The following PCDH9 variants were observed in gnomAD, a reference collection of about 807,000 sequenced individuals.
PCDH9 encodes the protein protocadherin-9.
Under a neutral mutation model 70.6 loss-of-function variants are expected in PCDH9, and 24 were observed. That is an observed-to-expected ratio of 0.34 (90% CI 0.25 to 0.48). The LOEUF (loss-of-function observed/expected upper bound fraction) is 0.48, where lower values mean the gene tolerates loss of function less well. Ranked by LOEUF, PCDH9 falls within the 20% of genes least tolerant of loss-of-function variation. The pLI is 0.99. For missense variants in PCDH9, 1,281 were observed against 1,503.6 expected (o/e 0.85, Z 2.45); for synonymous variants, 562 against 558.5 (o/e 1.01, Z -0.09).
At chr13:66,952,678 A>T (rs761604625) in intron 2 of PCDH9, among the ~76,000 whole-genome samples, 6 of 152,216 alleles carry the variant, frequency 3.9e-5, no homozygotes, top group Non-Finnish European at 7.4e-5. Flanking sequence ...AACTCTCTCA[A>T]TGGCAGAACC....
rs745735177 is a variant in PCDH9 at position 67,228,126 on chromosome 13, C to T, written c.315G>A (p.Glu105=). The change falls in exon 2 of 5, where the codon GAG becomes GAA. Residue 105 remains glutamate (E), a synonymous_variant. Coordinates refer to ENST00000377865, the MANE Select transcript of PCDH9 (RefSeq NM_203487.3). ...EKLCAGASYA[E]ENECFFELEV... Reference sequence around the variant, plus strand: ...CAAGTTCAAAGAAACACTCATTCTCCTCAGCATATGAGGCGCCAGCACAGA... The same window carrying T: ...CAAGTTCAAAGAAACACTCATTCTCTTCAGCATATGAGGCGCCAGCACAGA... 6.2e-7 allele frequency: 1 copy of T among 1,614,174 alleles called. No homozygotes were observed.
At chr13:66,423,249 A>T (rs1391922206) in intron 4 of PCDH9, among the ~76,000 whole-genome samples, 3 of 152,098 alleles carry the variant, frequency 2.0e-5, no homozygotes, top group African/African-American at 7.2e-5. Flanking sequence ...AGGTACAAAG[A>T]GGAGCTGGGA....
intron 4 of PCDH9, among the ~76,000 whole-genome samples, chr13:66,443,515 T>C (rs995130490): frequency 1.3e-5 from 2 of 152,202 alleles, no homozygotes; most frequent in African/African-American, 4.8e-5. Context: ...TTTAAAATGC[T>C]CATAATTAAT....
At chr13:66,461,614 G>T (rs146466157) in intron 4 of PCDH9, among the ~76,000 whole-genome samples, 138 of 150,858 alleles carry the variant, frequency 9.1e-4, no homozygotes, top group East Asian at 8.8e-3. Context: ...GAGATACCAT[G>T]ACATTAAAGC....
At chr13:66,729,463 G>A (rs906047180) in intron 3 of PCDH9, among the ~76,000 whole-genome samples, 1 of 151,904 alleles carries the variant, frequency 6.6e-6, no homozygotes, top group Non-Finnish European at 1.5e-5. Flanking sequence ...ATTGTAAATC[G>A]ATTTGTTTTA....
chr13:66,542,657 G>A (rs1961011047), intron 4 of PCDH9, among the ~76,000 whole-genome samples: 2 of 142,540 alleles, frequency 1.4e-5, no homozygotes, highest in African/African-American at 5.1e-5. Flanking sequence ...AAACATTAAA[G>A]TCAAATATAT....
At chr13:66,386,595 G>A (rs754311995) in intron 4 of PCDH9, among the ~76,000 whole-genome samples, 13 of 152,006 alleles carry the variant, frequency 8.6e-5, no homozygotes, top group Non-Finnish European at 1.2e-4. Flanking sequence ...ATATTAATCT[G>A]TTATAGAGTA....
chr13:66,395,344 T>G (rs1957084528), intron 4 of PCDH9, among the ~76,000 whole-genome samples: 1 of 152,194 alleles, frequency 6.6e-6, no homozygotes, highest in Non-Finnish European at 1.5e-5. Context: ...GGCTCAGGCC[T>G]GTAATCCCAG....
chr13:66,893,379 A>T (rs2082126433), intron 3 of PCDH9, among the ~76,000 whole-genome samples: 1 of 152,158 alleles, frequency 6.6e-6, no homozygotes, highest in South Asian at 2.1e-4. Context: ...TTTTGTCAGA[A>T]GCCTTAGATT....
intron 2 of PCDH9, among the ~76,000 whole-genome samples, chr13:66,930,085 T>C (rs2082782446): frequency 6.6e-6 from 1 of 152,168 alleles, no homozygotes; most frequent in African/African-American, 2.4e-5. Context: ...GTCTGAAAGA[T>C]ATTCCTATGA....
chr13:66,603,667 C>T (rs1207944359), intron 4 of PCDH9, among the ~76,000 whole-genome samples: 1 of 151,908 alleles, frequency 6.6e-6, no homozygotes, highest in Non-Finnish European at 1.5e-5. Context: ...GGAGATATGA[C>T]ACTTATTCAA....
chr13:66,623,801 C>T (rs4883783), intron 4 of PCDH9, among the ~76,000 whole-genome samples: 69,765 of 151,900 alleles, frequency 0.46, 16,882 homozygotes, highest in East Asian at 0.6. Context: ...ATAATACTAT[C>T]TAATTTACAG....
intron 4 of PCDH9, among the ~76,000 whole-genome samples, chr13:66,311,619 T>C (rs574749036): frequency 1.3e-5 from 2 of 152,240 alleles, no homozygotes; most frequent in East Asian, 3.9e-4. Context: ...CTAAACATGG[T>C]AAAATTAATT....
intron 2 of PCDH9, chr13:66,914,912 A>G (rs907934453): frequency 4.6e-5 from 7 of 151,712 alleles, no homozygotes; most frequent in African/African-American, 1.7e-4. Flanking sequence ...TATTTCTACA[A>G]TGTGTGTGTG....
intron 2 of PCDH9, among the ~76,000 whole-genome samples, chr13:67,132,279 C>T (rs550639408): frequency 8.5e-5 from 13 of 152,142 alleles, no homozygotes; most frequent in Non-Finnish European, 1.9e-4. Flanking sequence ...CATTACCGTA[C>T]TTTCCCGCCT....
rs148628510 is a variant in PCDH9 at position 67,067,468 on chromosome 13, G to A, written c.3036+157937C>T. ...TTAGAGACCATCTCAATTTGGACTC[G>A]TCAAATTTCAATGCTTAGTTGCCAC... On this transcript the variant is annotated intron_variant, in intron 2 of 4. Transcript: ENST00000377865. Among the ~76,000 whole-genome samples, 20 of 151,960 alleles carry A rather than the reference G, an allele frequency of 1.3e-4. No homozygotes were observed. The East Asian group carries it at 2.9e-3, about 22-fold the overall frequency.
chr13:66,332,698 T>C (rs1955965024), intron 4 of PCDH9, among the ~76,000 whole-genome samples: 1 of 151,832 alleles, frequency 6.6e-6, no homozygotes, highest in Non-Finnish European at 1.5e-5. Context: ...AGATGACTCC[T>C]GGGATCTATT....
chr13:67,221,300 A>T (rs1481282618), intron 2 of PCDH9: 2 of 152,102 alleles, frequency 1.3e-5, no homozygotes, highest in East Asian at 3.8e-4. Flanking sequence ...TTTACATAAC[A>T]TAATAACATT....
At chr13:66,332,967 C>A (rs1355595082) in intron 4 of PCDH9, among the ~76,000 whole-genome samples, 8 of 151,992 alleles carry the variant, frequency 5.3e-5, no homozygotes, top group Non-Finnish European at 1.0e-4. Context: ...ACTCTCTTAG[C>A]ATTTAAGGCA....
Sources: gnomAD v4.1 joint callset for allele counts (sites outside exome capture counted in the v4.1 genomes callset) on GRCh38, gnomAD v4.1.1 for gene constraint, MANE v1.5 for transcripts, NCBI Gene and HGNC (gene_info 2026-07-23, HGNC 2026-07-21) for gene names.